Variants in ZSWIM6 observed in about 807,000 individuals in gnomAD.
The protein encoded by ZSWIM6 is zinc finger SWIM domain-containing protein 6.
ZSWIM6 carries 9 observed loss-of-function variants against 113.2 expected under a neutral mutation model. The ratio of observed to expected loss-of-function variants is 0.08; its 90% CI spans 0.05 to 0.14. The LOEUF is 0.14. ZSWIM6 is among the 10% of genes least tolerant of loss of function. ZSWIM6 has a pLI of 1.00. For synonymous variants in ZSWIM6, 611 were observed against 606.5 expected (o/e 1.01, Z -0.11); for missense variants, 1,162 against 1,552.2 (o/e 0.75, Z 4.22).
chr5:61,501,520 A>G (rs1289991598), intron 4 of ZSWIM6, among the ~76,000 whole-genome samples: 1 of 152,238 alleles, frequency 6.6e-6, no homozygotes, highest in African/African-American at 2.4e-5. Context: ...ATTTGATCCT[A>G]TTGTCTAACC....
chr5:61,417,971 A>G (rs546198755), intron 1 of ZSWIM6, among the ~76,000 whole-genome samples: 2 of 152,316 alleles, frequency 1.3e-5, no homozygotes, highest in African/African-American at 4.8e-5. Context: ...TTGGTGATCT[A>G]ATCAGTCCAT....
chr5:61,533,837 A>G (rs1749507630), intron 9 of ZSWIM6, among the ~76,000 whole-genome samples: 1 of 152,210 alleles, frequency 6.6e-6, no homozygotes, highest in Admixed American at 6.5e-5. Flanking sequence ...TGTATTTCTC[A>G]CAGTTCTGGA....
Position 61,543,389 on chromosome 5 carries a change from C to G in ZSWIM6, c.2786-66C>G. On this transcript the variant is annotated intron_variant, in intron 13 of 13. Transcript: ENST00000252744. This position sits in a 1 kb window ranked among gnomAD's most constrained non-coding sequence, Gnocchi z 4.3. Reference sequence around the variant, plus strand: ...CAATGTAAACACTGGTTGTAAAAGTCAAAATAAGGCAGGACCTCTGGGCAG... The same window carrying G: ...CAATGTAAACACTGGTTGTAAAAGTGAAAATAAGGCAGGACCTCTGGGCAG... 6.8e-7 allele frequency: 1 copy of G among 1,476,084 alleles called. No individual in the cohort carries two copies. The allele number at this position is 1,476,084 out of a possible 1,614,324, so 91.4% of individuals were successfully genotyped here.
At chr5:61,364,643 G>T (rs1745113811) in intron 1 of ZSWIM6, among the ~76,000 whole-genome samples, 1 of 152,136 alleles carries the variant, frequency 6.6e-6, no homozygotes. Flanking sequence ...TCTGGAGGCT[G>T]GGAAACCCAA....
chr5:61,368,656 T>C (rs1207455018), intron 1 of ZSWIM6, among the ~76,000 whole-genome samples: 2 of 152,198 alleles, frequency 1.3e-5, no homozygotes, highest in African/African-American at 4.8e-5. Flanking sequence ...TTTTCTATTA[T>C]GGGGTGTTAG....
At chr5:61,389,336 A>C (rs1453459929) in intron 1 of ZSWIM6, among the ~76,000 whole-genome samples, 1 of 151,756 alleles carries the variant, frequency 6.6e-6, no homozygotes, top group Admixed American at 6.6e-5. Flanking sequence ...CAGGCGGATC[A>C]CGAGGTCAGG....
intron 4 of ZSWIM6, among the ~76,000 whole-genome samples, chr5:61,504,035 C>T (rs1009086092): frequency 3.3e-5 from 5 of 152,060 alleles, no homozygotes; most frequent in Non-Finnish European, 7.4e-5. Context: ...AATTGAAGCT[C>T]AGTAAATATT....
rs1748159936 is a variant in ZSWIM6, at chr5:61,490,940, A to T, written c.1182+6A>T. The T allele has an allele frequency of 1.2e-5, 19 of 1,522,898 alleles. 1 individual carries two copies. The highest frequency in any genetic ancestry group is 2.6e-5 in the South Asian group (2 of 78,278). 94.3% of individuals were successfully genotyped at this position (1,522,898 alleles called of 1,614,324 possible). The stretch of plus-strand genomic sequence containing the variant: ...TTAATTTGCTCTTTGCAAAGGTATG[A>T]TTGTCTATTTCTAAAGAAATATTCT... On this transcript the variant is annotated splice_donor_region_variant and intron_variant, in intron 3 of 13. Coordinates refer to ENST00000252744, the MANE Select transcript of ZSWIM6 (RefSeq NM_020928.2).
At chr5:61,502,823 G>A (rs191201060) in intron 4 of ZSWIM6, among the ~76,000 whole-genome samples, 8 of 152,224 alleles carry the variant, frequency 5.3e-5, no homozygotes, top group East Asian at 1.9e-4. Flanking sequence ...TCGAGGTTGC[G>A]TGCTCCTTAT....
chr5:61,418,543 G>T (rs949582776), intron 1 of ZSWIM6, among the ~76,000 whole-genome samples: 1 of 152,120 alleles, frequency 6.6e-6, no homozygotes, highest in Non-Finnish European at 1.5e-5. Flanking sequence ...ACAGGTGTGA[G>T]CCACTGTGCC....
chr5:61,375,570 C>T lies in ZSWIM6; in HGVS notation c.676+42622C>T. On this transcript the variant is annotated intron_variant, in intron 1 of 13. Transcript: ENST00000252744. ...GCTCCATGTCAGAAACTGAATCAGA[C>T]AGTAAGGATAGTTTAAAAAAGAAAA... is the stretch of plus-strand genomic sequence containing the variant. 2.6e-6 allele frequency: 4 copies of T among 1,530,708 alleles called. No homozygotes were observed. The South Asian group carries it at 4.8e-5, about 18-fold the overall frequency. 94.8% of individuals were successfully genotyped at this position (1,530,708 alleles called of 1,614,324 possible).
intron 1 of ZSWIM6, among the ~76,000 whole-genome samples, chr5:61,404,760 A>G (rs546417441): frequency 4.0e-5 from 6 of 151,816 alleles, no homozygotes; most frequent in Non-Finnish European, 8.8e-5. Flanking sequence ...CATTCCAATC[A>G]CCTAGAGAGG....
At chr5:61,350,582 A>G (rs1026124491) in intron 1 of ZSWIM6, among the ~76,000 whole-genome samples, 30 of 152,094 alleles carry the variant, frequency 2.0e-4, no homozygotes, top group African/African-American at 7.3e-4. Flanking sequence ...AGATATGTAA[A>G]TTTTATATTC....
At chr5:61,483,825 C>T (rs1025217992) in intron 2 of ZSWIM6, among the ~76,000 whole-genome samples, 12 of 151,042 alleles carry the variant, frequency 7.9e-5, no homozygotes, top group South Asian at 4.2e-4. Context: ...TGCAGTGAGC[C>T]GAGATCGCAC....
intron 4 of ZSWIM6, among the ~76,000 whole-genome samples, chr5:61,500,550 T>C (rs1748438515): frequency 6.6e-6 from 1 of 152,160 alleles, no homozygotes; most frequent in Admixed American, 6.6e-5. Context: ...TGGCCTTGTC[T>C]GCCTACCCAT....
chr5:61,435,648 G>A (rs1392585764), intron 1 of ZSWIM6, among the ~76,000 whole-genome samples: 2 of 152,164 alleles, frequency 1.3e-5, no homozygotes, highest in African/African-American at 4.8e-5. Flanking sequence ...TTTAAATCAG[G>A]ATAACTATTC....
At chr5:61,527,506 GA>G (rs2112271071) in intron 7 of ZSWIM6, among the ~76,000 whole-genome samples, 1 of 152,282 alleles carries the variant, frequency 6.6e-6, no homozygotes, top group South Asian at 2.1e-4. Flanking sequence ...AAGGAAGAGG[GA>G]AGCTCAGATG....
intron 1 of ZSWIM6, among the ~76,000 whole-genome samples, chr5:61,384,925 C>T (rs1198489067): frequency 5.3e-5 from 8 of 151,988 alleles, no homozygotes; most frequent in South Asian, 2.1e-4. Context: ...CTGGGTGTGG[C>T]GGCAGGCACC....
chr5:61,352,858 C>T (rs542090236), intron 1 of ZSWIM6, among the ~76,000 whole-genome samples: 4 of 152,268 alleles, frequency 2.6e-5, no homozygotes, highest in Non-Finnish European at 5.9e-5. Flanking sequence ...AGTTAGAGCA[C>T]GAGACTTTCT....
Sources: gnomAD v4.1 joint callset for allele counts (sites outside exome capture counted in the v4.1 genomes callset) on GRCh38, gnomAD v4.1.1 for gene constraint, Gnocchi (gnomAD v3.1) non-coding constraint, MANE v1.5 for transcripts, NCBI Gene and HGNC (gene_info 2026-07-23, HGNC 2026-07-21) for gene names.